Variants in CTNND2 observed in about 807,000 individuals in gnomAD.
The protein encoded by CTNND2 is catenin delta 2.
Under a neutral mutation model 144.4 loss-of-function variants are expected in CTNND2, and 22 were observed. The ratio of observed to expected loss-of-function variants is 0.15; its 90% CI spans 0.11 to 0.22. CTNND2 has a LOEUF of 0.22. Ranked by LOEUF, CTNND2 falls within the 10% of genes least tolerant of loss-of-function variation. CTNND2 has a pLI of 1.00. For synonymous variants in CTNND2, 751 were observed against 695.6 expected (o/e 1.08, Z -1.25); for missense variants, 1,353 against 1,618.8 (o/e 0.84, Z 2.82).
chr5:11,117,395 G>A (rs1348176696), intron 13 of CTNND2, 55 bp downstream of exon 13: 2 of 1,355,358 alleles, frequency 1.5e-6, no homozygotes, highest in Admixed American at 3.4e-5. Context: ...CTATTGTTGA[G>A]TCCCGTGGGA....
chr5:11,230,185 G>A (rs1740844721), intron 10 of CTNND2, among the ~76,000 whole-genome samples: 1 of 135,374 alleles, frequency 7.4e-6, no homozygotes, highest in Non-Finnish European at 1.6e-5. Context: ...CATGGACACA[G>A]GAAGGGGAAT....
chr5:10,989,574 C>T (rs1046334762), intron 19 of CTNND2, among the ~76,000 whole-genome samples: 7 of 152,340 alleles, frequency 4.6e-5, no homozygotes, highest in East Asian at 1.9e-4. Flanking sequence ...AGTTTACCTT[C>T]GAGCTTATCA....
intron 1 of CTNND2, among the ~76,000 whole-genome samples, chr5:11,898,773 A>G (rs1737612528): frequency 6.6e-6 from 1 of 152,212 alleles, no homozygotes; most frequent in African/African-American, 2.4e-5. Flanking sequence ...GGCAGTTCCC[A>G]CAACAACACA....
chr5:11,449,655 T>C (rs758109571), intron 3 of CTNND2, among the ~76,000 whole-genome samples: 6 of 152,268 alleles, frequency 3.9e-5, no homozygotes, highest in Admixed American at 3.3e-4. Flanking sequence ...ATTACTTGTA[T>C]TCATTTCTCT....
intron 1 of CTNND2, among the ~76,000 whole-genome samples, chr5:11,853,147 CTT>C (rs1795093831): frequency 6.6e-6 from 1 of 152,142 alleles, no homozygotes. Context: ...AAAACTCACT[CTT>C]TTTCCCTCAT....
chr5:11,671,772 A>G (rs1404901193), intron 2 of CTNND2, among the ~76,000 whole-genome samples: 2 of 151,930 alleles, frequency 1.3e-5, no homozygotes, highest in Non-Finnish European at 2.9e-5. Context: ...TCTGAAGCCT[A>G]CTTCTGTCAG....
At chr5:11,723,617 T>C (rs560711905) in intron 2 of CTNND2, among the ~76,000 whole-genome samples, 4 of 152,286 alleles carry the variant, frequency 2.6e-5, no homozygotes, top group Non-Finnish European at 4.4e-5. Context: ...GACAGTAAGT[T>C]CATTCCTAAG....
At chr5:11,356,173 C>G (rs1475076212) in intron 8 of CTNND2, among the ~76,000 whole-genome samples, 2 of 151,820 alleles carry the variant, frequency 1.3e-5, no homozygotes, top group African/African-American at 2.4e-5. Flanking sequence ...CAATGATATT[C>G]TTCACAGAAA....
chr5:11,425,334 A>AG (rs1475591656), intron 3 of CTNND2, among the ~76,000 whole-genome samples: 2 of 152,192 alleles, frequency 1.3e-5, no homozygotes, highest in Non-Finnish European at 2.9e-5. Context: ...ATGCCTGGAA[A>AG]GGGGTCTCCT....
At chr5:11,036,637 C>T (rs1320017810) in intron 16 of CTNND2, among the ~76,000 whole-genome samples, 3 of 152,128 alleles carry the variant, frequency 2.0e-5, no homozygotes, top group Non-Finnish European at 1.5e-5. Flanking sequence ...TGGCCACACA[C>T]CTCGGCCTCC....
chr5:11,225,714 C>T (rs959200063), intron 10 of CTNND2, among the ~76,000 whole-genome samples: 4 of 152,162 alleles, frequency 2.6e-5, no homozygotes, highest in African/African-American at 7.2e-5. Context: ...TCCTACCCCT[C>T]GCCACCTCAC....
At chr5:11,652,308 CATAATT>C (rs146450930) in intron 2 of CTNND2, among the ~76,000 whole-genome samples, 3,625 of 152,280 alleles carry the variant, frequency 0.024, 73 homozygotes, top group Non-Finnish European at 0.04. Flanking sequence ...TGCCTTCTGT[CATAATT>C]ATAAGTTTCA....
intron 1 of CTNND2, among the ~76,000 whole-genome samples, chr5:11,782,541 T>C (rs1237456463): frequency 1.3e-5 from 2 of 152,230 alleles, no homozygotes; most frequent in Non-Finnish European, 2.9e-5. Context: ...AAAACAAGCC[T>C]TCATAAATGT....
chr5:11,495,541 C>T (rs142096916), intron 3 of CTNND2, among the ~76,000 whole-genome samples: 162 of 152,276 alleles, frequency 1.1e-3, no homozygotes, highest in South Asian at 5.6e-3. Flanking sequence ...CTGGCGTCAA[C>T]CTTGAACTGC....
At position 11,818,004 on chromosome 5, in the gene CTNND2, T is replaced by TTTTTTTTTTTTTTTC. The variant is rs1554126308; in HGVS notation, c.38-85733_38-85732insGAAAAAAAAAAAAAA. On this transcript the variant is annotated intron_variant, in intron 1 of 21. Transcript: ENST00000304623. The stretch of plus-strand genomic sequence containing the variant: ...GTGTTTTTTTTTTTTTTTTTTTTTT[T>TTTTTTTTTTTTTTTC]CAGTTCTCCTCCATCCAATATCAAA... Among the ~76,000 whole-genome samples the TTTTTTTTTTTTTTTC allele has an allele frequency of 6.4e-5, 6 of 93,282 alleles. 1 individual carries two copies. Among genetic ancestry groups the TTTTTTTTTTTTTTTC allele is most frequent in the Non-Finnish European group, 8.5e-5 (4 of 47,318 alleles). 61.2% of individuals were successfully genotyped at this position (93,282 alleles called of 152,430 possible). A position where few individuals can be genotyped will look rare whatever the true frequency, so the allele number is the denominator to read the frequency against.
intron 2 of CTNND2, among the ~76,000 whole-genome samples, chr5:11,592,812 C>T (rs1256540946): frequency 1.3e-5 from 2 of 150,512 alleles, no homozygotes; most frequent in Non-Finnish European, 3.0e-5. Context: ...AGCAAGCAGT[C>T]TTAAAGGAAG....
intron 13 of CTNND2, among the ~76,000 whole-genome samples, chr5:11,115,992 C>T (rs1466917303): frequency 6.6e-6 from 1 of 152,150 alleles, no homozygotes; most frequent in Non-Finnish European, 1.5e-5. Flanking sequence ...TTACATTTTA[C>T]CAGATTCCCA....
At chr5:11,335,643 G>T (rs1228773212) in intron 9 of CTNND2, among the ~76,000 whole-genome samples, 1 of 152,114 alleles carries the variant, frequency 6.6e-6, no homozygotes, top group Non-Finnish European at 1.5e-5. Context: ...GGAGAATAGG[G>T]TCTGGCGGCG....
chr5:10,981,696 G>T, intron 21 of CTNND2, 77 bp downstream of exon 21: 2 of 1,384,366 alleles, frequency 1.4e-6, no homozygotes, highest in Non-Finnish European at 2.0e-6. Flanking sequence ...TTGGATGAAA[G>T]TTTATGTTTA....
Sources: gnomAD v4.1 joint callset for allele counts (sites outside exome capture counted in the v4.1 genomes callset) on GRCh38, gnomAD v4.1.1 for gene constraint, MANE v1.5 for transcripts, NCBI Gene and HGNC (gene_info 2026-07-23, HGNC 2026-07-21) for gene names.